Variants in BABAM2 observed in about 807,000 individuals in gnomAD.
BABAM2 encodes the protein BRISC and BRCA1 A complex member 2.
Under a neutral mutation model 54.7 loss-of-function variants are expected in BABAM2, and 31 were observed. The observed-to-expected ratio is 0.57, with a 90% CI of 0.43 to 0.77. The LOEUF is 0.77. Among genes scored for constraint, BABAM2 ranks in the 30% least tolerant of loss-of-function variants. BABAM2 has a pLI of 0.00. For synonymous variants in BABAM2, 167 were observed against 162.9 expected, an observed-to-expected ratio of 1.03 and a Z score of -0.19; for missense variants, 364 against 455.8, an observed-to-expected ratio of 0.80 and a Z score of 1.83.
rs556231053 is a variant in BABAM2, at chr2:28,279,478, G to A, written c.935-18860G>A. On this transcript the variant is annotated intron_variant, in intron 10 of 11. Transcript: ENST00000379624. ...TTCCTCCAAATCCCAGCAGCCTTTC[G>A]TGCAGCCTCCTGTTTTAGCATTTCT... is the stretch of plus-strand genomic sequence containing the variant. 1.7e-3 allele frequency among the ~76,000 whole-genome samples: 255 copies of A among 152,120 alleles called. 3 individuals are homozygous for A. The South Asian group carries it at 0.023, about 14-fold the overall frequency.
In BABAM2 at chr2:28,028,762, CTTTTTCTTT is replaced by C. The variant is rs1403197630; in HGVS notation, c.495+3356_495+3364del. Among the ~76,000 whole-genome samples the C allele has an allele frequency of 2.0e-5, 3 of 151,920 alleles. No individual in the cohort carries two copies. The East Asian group carries it at 5.8e-4, about 29-fold the overall frequency. ...TCCGGCTTTTATTCTTCAGCTTTTT[CTTTTTCTTT>C]TTTTTCTTTTTTTGAGACGAAGTCT... On this transcript the variant is annotated intron_variant, in intron 5 of 11. Transcript: ENST00000379624.
At chr2:28,039,049 G>A (rs924656918) in intron 5 of BABAM2, among the ~76,000 whole-genome samples, 3 of 152,150 alleles carry the variant, frequency 2.0e-5, no homozygotes, top group Non-Finnish European at 4.4e-5. Context: ...ATTGATAGGA[G>A]TGATTATTTT....
chr2:28,212,576 G>A (rs184947060), intron 7 of BABAM2, among the ~76,000 whole-genome samples: 40 of 152,080 alleles, frequency 2.6e-4, no homozygotes, highest in African/African-American at 9.4e-4. Flanking sequence ...AATATTTCTA[G>A]TTTATCTTTA....
At chr2:28,137,235 C>T (rs1182082367) in intron 7 of BABAM2, among the ~76,000 whole-genome samples, 1 of 152,134 alleles carries the variant, frequency 6.6e-6, no homozygotes, top group African/African-American at 2.4e-5. Flanking sequence ...TAGCCTTACT[C>T]ATGTTTTCTC....
At chr2:28,056,753 A>G (rs1184896614) in intron 6 of BABAM2, among the ~76,000 whole-genome samples, 1 of 152,268 alleles carries the variant, frequency 6.6e-6, no homozygotes, top group Non-Finnish European at 1.5e-5. Context: ...CACTAAATAC[A>G]GCAACTAAAT....
Position 28,134,883 on chromosome 2 carries a change from G to A in BABAM2, c.680+5503G>A, listed in dbSNP as rs1470479249. On this transcript the variant is annotated intron_variant, in intron 7 of 11. Coordinates refer to ENST00000379624, the MANE Select transcript of BABAM2 (RefSeq NM_199191.3). ...ACAAATATGGCAAGTTGTGACTTGT[G>A]GATTAATAGAAAAGGCATATTAATA... is the stretch of plus-strand genomic sequence containing the variant. Among the ~76,000 whole-genome samples the A allele has an allele frequency of 2.0e-5, 3 of 152,118 alleles. No homozygotes were observed. The East Asian group carries it at 5.8e-4, about 29-fold the overall frequency.
At chr2:28,337,454 T>C (rs1041052381) in intron 11 of BABAM2, among the ~76,000 whole-genome samples, 2 of 152,218 alleles carry the variant, frequency 1.3e-5, no homozygotes, top group African/African-American at 4.8e-5. Context: ...CCACCCCTGA[T>C]GCCTTGTACA....
At chr2:28,110,817 AC>A (rs1334237109) in intron 6 of BABAM2, among the ~76,000 whole-genome samples, 2 of 151,652 alleles carry the variant, frequency 1.3e-5, no homozygotes. Context: ...ATTTTACACT[AC>A]CCCCAACAGT....
rs1573092777 is a variant in BABAM2 at position 27,890,888 on chromosome 2, A to T, written c.-25+46A>T. 1 of 152,718 alleles carries T rather than the reference A, an allele frequency of 6.5e-6. No homozygotes were observed. The highest frequency in any genetic ancestry group is 2.1e-4 in the South Asian group (1 of 4,816). The allele number at this position is 152,718 out of a possible 1,614,324, so 9.5% of individuals were successfully genotyped here. The stretch of plus-strand genomic sequence containing the variant: ...GCGGGGAGGTTGGATCCCGAGTCGC[A>T]CAGGTGGCGTGGAGAACTGTGGTTT... On this transcript the variant is annotated intron_variant, in intron 1 of 11. Transcript: ENST00000379624. This position sits in a 1 kb window ranked among gnomAD's most constrained non-coding sequence, Gnocchi z 4.8.
At chr2:28,013,252 C>T in intron 4 of BABAM2, 1 of 418,370 alleles carries the variant, frequency 2.4e-6, no homozygotes, top group South Asian at 1.7e-5. Context: ...GATTCTGACA[C>T]CCTGGCACAA....
At chr2:27,981,696 C>CT (rs2148473014) in intron 3 of BABAM2, among the ~76,000 whole-genome samples, 2 of 152,272 alleles carry the variant, frequency 1.3e-5, no homozygotes, top group South Asian at 4.1e-4. Flanking sequence ...TATATCAGTA[C>CT]TTTCTTTCAA....
chr2:28,153,544 C>T (rs1672255624), intron 7 of BABAM2, among the ~76,000 whole-genome samples: 1 of 152,162 alleles, frequency 6.6e-6, no homozygotes, highest in African/African-American at 2.4e-5. Flanking sequence ...GTATTGCTGT[C>T]TTTGAGACCT....
chr2:28,298,518 C>T (rs1558510746), intron 11 of BABAM2, 27 bp downstream of exon 11: 1 of 1,613,486 alleles, frequency 6.2e-7, no homozygotes, highest in Non-Finnish European at 8.5e-7. Context: ...TTATTTCCAA[C>T]AGGTAAGAGC....
chr2:28,056,082 G>A (rs1369297713), intron 6 of BABAM2, among the ~76,000 whole-genome samples: 1 of 152,152 alleles, frequency 6.6e-6, no homozygotes, highest in African/African-American at 2.4e-5. Context: ...GTTACCATGG[G>A]TTGGGGGTGG....
intron 7 of BABAM2, among the ~76,000 whole-genome samples, chr2:28,186,618 A>G (rs1429232856): frequency 6.6e-6 from 1 of 152,014 alleles, no homozygotes; most frequent in Non-Finnish European, 1.5e-5. Flanking sequence ...AGACAGAGAG[A>G]GACAGAGAGA....
chr2:28,192,106 C>T (rs984820202), intron 7 of BABAM2, among the ~76,000 whole-genome samples: 1 of 152,158 alleles, frequency 6.6e-6, no homozygotes, highest in African/African-American at 2.4e-5. Context: ...ACGATCTCGG[C>T]TCTCTGCAAG....
chr2:27,996,402 G>A lies in BABAM2; in HGVS notation c.300+8315G>A. 3 of 154,972 alleles carry A rather than the reference G, an allele frequency of 1.9e-5. 1 individual carries two copies. In the Middle Eastern group the frequency reaches 1.6e-3, roughly 80 times the overall value. 9.6% of individuals were successfully genotyped at this position (154,972 alleles called of 1,614,324 possible). A position where few individuals can be genotyped will look rare whatever the true frequency, so the allele number is the denominator to read the frequency against. On this transcript the variant is annotated intron_variant, in intron 4 of 11. Transcript: ENST00000379624. ...TCAGGGTTTTACTTGGGAGATTGGA[G>A]TGGCCAGTGTTCCTAAACAATTCTA...
At chr2:28,265,313 G>C (rs995068774) in intron 10 of BABAM2, among the ~76,000 whole-genome samples, 1 of 152,178 alleles carries the variant, frequency 6.6e-6, no homozygotes, top group African/African-American at 2.4e-5. Context: ...TGTAATCCCA[G>C]CTACTCAGGC....
chr2:28,130,343 C>A (rs1354603130), intron 7 of BABAM2, among the ~76,000 whole-genome samples: 1 of 152,140 alleles, frequency 6.6e-6, no homozygotes, highest in South Asian at 2.1e-4. Context: ...GCTGTTTATA[C>A]TCAAATATGG....
Sources: gnomAD v4.1 joint callset for allele counts (sites outside exome capture counted in the v4.1 genomes callset) on GRCh38, gnomAD v4.1.1 for gene constraint, Gnocchi (gnomAD v3.1) non-coding constraint, MANE v1.5 for transcripts, NCBI Gene and HGNC (gene_info 2026-07-23, HGNC 2026-07-21) for gene names.